The following PPP2R2C variants were observed in gnomAD, a reference collection of about 807,000 sequenced individuals.
PPP2R2C encodes the protein protein phosphatase 2 regulatory subunit Bgamma.
In PPP2R2C, 10 loss-of-function variants were observed where a neutral mutation model predicts 45.3. The ratio of observed to expected loss-of-function variants is 0.22; its 90% CI spans 0.14 to 0.37. The LOEUF (loss-of-function observed/expected upper bound fraction) is 0.37, where lower values mean the gene tolerates loss of function less well. PPP2R2C is among the 10% of genes least tolerant of loss of function. The probability of loss-of-function intolerance (pLI) is 1.00; values close to 1 mark genes in which losing one functional copy is unlikely to be tolerated. For missense variants in PPP2R2C, 308 were observed against 619.7 expected (o/e 0.50, Z 5.34); for synonymous variants, 257 against 245.4 (o/e 1.05, Z -0.44).
intron 1 of PPP2R2C, among the ~76,000 whole-genome samples, chr4:6,405,425 G>C (rs1420666383): frequency 3.3e-5 from 5 of 152,236 alleles, no homozygotes; most frequent in African/African-American, 1.2e-4. Context: ...CTGAACAAAT[G>C]AATGGGGGGA....
chr4:6,441,578 G>T (rs1720156233), intron 1 of PPP2R2C, among the ~76,000 whole-genome samples: 1 of 152,196 alleles, frequency 6.6e-6, no homozygotes, highest in Admixed American at 6.5e-5. Flanking sequence ...CTGGCGGATG[G>T]TTCCAGCATC....
rs1229922041 is a variant in PPP2R2C at position 6,331,263 on chromosome 4, CTG to C, written c.961-1912_961-1911del. On this transcript the variant is annotated intron_variant, in intron 7 of 8. Coordinates refer to ENST00000382599, the MANE Select transcript of PPP2R2C (RefSeq NM_020416.4). This position sits in a 1 kb window ranked among gnomAD's most constrained non-coding sequence, Gnocchi z 5.9. ...GGTGAGGAAGAGCTCTGGAGAAAGA[CTG>C]TCAATCTAAGGTCCGCTGCTTGCTG... 2.0e-5 allele frequency among the ~76,000 whole-genome samples: 3 copies of C among 152,146 alleles called. No individual in the cohort carries two copies. Among genetic ancestry groups the C allele is most frequent in the Non-Finnish European group, 2.9e-5 (2 of 68,042 alleles).
intron 1 of PPP2R2C, among the ~76,000 whole-genome samples, chr4:6,400,105 C>A (rs1717314080): frequency 6.6e-6 from 1 of 152,222 alleles, no homozygotes; most frequent in African/African-American, 2.4e-5. Flanking sequence ...AGTTCTAAGA[C>A]TGTGGTCTAA....
At chr4:6,431,261 GC>G (rs1365362369) in intron 1 of PPP2R2C, among the ~76,000 whole-genome samples, 1 of 152,174 alleles carries the variant, frequency 6.6e-6, no homozygotes, top group African/African-American at 2.4e-5. Flanking sequence ...AAATACCCCT[GC>G]CCTGGCCAAT....
intron 2 of PPP2R2C, among the ~76,000 whole-genome samples, chr4:6,512,128 G>A (rs1231404693): frequency 5.3e-5 from 4 of 75,256 alleles, no homozygotes; most frequent in African/African-American, 6.4e-5. Flanking sequence ...GGGGGTGGTG[G>A]TGGTGGTGAT....
chr4:6,463,965 C>A (rs1011544638), intron 1 of PPP2R2C, among the ~76,000 whole-genome samples: 9 of 152,194 alleles, frequency 5.9e-5, no homozygotes. Flanking sequence ...CTGAACAGGC[C>A]ACCTAACCCT....
intron 5 of PPP2R2C, among the ~76,000 whole-genome samples, chr4:6,355,255 G>T (rs1473296136): frequency 1.3e-5 from 2 of 152,052 alleles, no homozygotes; most frequent in African/African-American, 4.8e-5. Context: ...GGGCTCAGGG[G>T]GCAGGAGGTT....
chr4:6,454,950 T>C (rs1022734799), intron 1 of PPP2R2C, among the ~76,000 whole-genome samples: 13 of 152,148 alleles, frequency 8.5e-5, no homozygotes, highest in Non-Finnish European at 1.3e-4. Flanking sequence ...TAGTTATGCC[T>C]GCAGAGATAG....
chr4:6,510,965 A>G (rs1264271841), intron 2 of PPP2R2C, among the ~76,000 whole-genome samples: 14 of 137,962 alleles, frequency 1.0e-4, no homozygotes, highest in Non-Finnish European at 2.1e-4. Flanking sequence ...CAACAGAGTG[A>G]GACTCCGTCT....
intron 2 of PPP2R2C, among the ~76,000 whole-genome samples, chr4:6,515,023 G>A (rs1723787915): frequency 6.6e-6 from 1 of 152,002 alleles, no homozygotes; most frequent in South Asian, 2.1e-4. Flanking sequence ...AGTAGGTCCT[G>A]CTTCATCTTC....
At chr4:6,499,954 C>T (rs995314483) in intron 2 of PPP2R2C, among the ~76,000 whole-genome samples, 1 of 152,034 alleles carries the variant, frequency 6.6e-6, no homozygotes, top group African/African-American at 2.4e-5. Flanking sequence ...TTTACACCAC[C>T]AGTGATTAGA....
intron 6 of PPP2R2C, among the ~76,000 whole-genome samples, chr4:6,342,119 CACACACACATACATATATAT>C (rs1307804585): frequency 7.3e-6 from 1 of 137,402 alleles, no homozygotes; most frequent in Non-Finnish European, 1.5e-5. Context: ...CACACACACA[CACACACACATACATATATAT>C]ACATACATAT....
intron 2 of PPP2R2C, among the ~76,000 whole-genome samples, chr4:6,509,763 G>A (rs1452126759): frequency 6.6e-6 from 1 of 152,180 alleles, no homozygotes; most frequent in Non-Finnish European, 1.5e-5. Context: ...CTAGCTGGGT[G>A]GCTTTCACTC....
At chr4:6,369,126 G>T (rs771350123) in intron 5 of PPP2R2C, among the ~76,000 whole-genome samples, 1 of 152,200 alleles carries the variant, frequency 6.6e-6, no homozygotes, top group Non-Finnish European at 1.5e-5. Flanking sequence ...AGGCTGCAGC[G>T]TCCTTGTTCA....
At chr4:6,487,039 A>C (rs80240625) in intron 2 of PPP2R2C, among the ~76,000 whole-genome samples, 1 of 152,076 alleles carries the variant, frequency 6.6e-6, no homozygotes, top group Admixed American at 6.5e-5. Flanking sequence ...TAAGGTTTAC[A>C]GTATACATCT....
intron 1 of PPP2R2C, among the ~76,000 whole-genome samples, chr4:6,429,520 T>C (rs1719505493): frequency 6.6e-6 from 1 of 152,128 alleles, no homozygotes; most frequent in Non-Finnish European, 1.5e-5. Context: ...CCAGTGAATG[T>C]CAACAGTATG....
chr4:6,372,831 T>A, intron 4 of PPP2R2C, 131 bp from the exon 5 acceptor site: 1 of 918,232 alleles, frequency 1.1e-6, no homozygotes, highest in Non-Finnish European at 1.7e-6. Context: ...TCCTCCGTGG[T>A]CTGAAATAGG....
intron 1 of PPP2R2C, among the ~76,000 whole-genome samples, chr4:6,449,532 C>T (rs1444408130): frequency 6.6e-6 from 1 of 152,252 alleles, no homozygotes; most frequent in African/African-American, 2.4e-5. Flanking sequence ...ACCCCCGCCG[C>T]CGCCTGGCCC....
At chr4:6,484,279 A>C (rs906364265) in intron 2 of PPP2R2C, among the ~76,000 whole-genome samples, 1 of 152,000 alleles carries the variant, frequency 6.6e-6, no homozygotes, top group Admixed American at 6.5e-5. Flanking sequence ...AAAATCAGCT[A>C]TGTCAGCTGC....
Sources: gnomAD v4.1 joint callset for allele counts (sites outside exome capture counted in the v4.1 genomes callset) on GRCh38, gnomAD v4.1.1 for gene constraint, Gnocchi (gnomAD v3.1) non-coding constraint, MANE v1.5 for transcripts, NCBI Gene and HGNC (gene_info 2026-07-23, HGNC 2026-07-21) for gene names.